DRC1: variants seen among roughly 807,000 people sequenced by gnomAD.
The protein encoded by DRC1 is dynein regulatory complex protein 1.
DRC1 carries 74 observed loss-of-function variants against 98.7 expected under a neutral mutation model. The observed-to-expected ratio is 0.75, with a 90% CI of 0.62 to 0.91. The LOEUF is 0.91. DRC1 is among the 40% of genes least tolerant of loss of function. The probability of loss-of-function intolerance (pLI) is 0.00; values close to 1 mark genes in which losing one functional copy is unlikely to be tolerated. For missense variants in DRC1, 875 were observed against 886.0 expected (o/e 0.99, Z 0.16); for synonymous variants, 336 against 334.1 (o/e 1.01, Z -0.06).
chr2:26,432,823 C>T (rs1398914346), intron 7 of DRC1, among the ~76,000 whole-genome samples: 2 of 152,198 alleles, frequency 1.3e-5, no homozygotes, highest in Non-Finnish European at 2.9e-5. Context: ...TCACCAACAG[C>T]ATTTTATACA....
intron 3 of DRC1, among the ~76,000 whole-genome samples, chr2:26,423,219 G>A (rs1166350117): frequency 2.6e-5 from 4 of 152,184 alleles, no homozygotes; most frequent in African/African-American, 7.2e-5. Context: ...GAAGGTCCCA[G>A]GTGGCAGGTT....
chr2:26,439,818 T>A (rs1213314781), intron 7 of DRC1, among the ~76,000 whole-genome samples: 1 of 150,836 alleles, frequency 6.6e-6, no homozygotes, highest in Non-Finnish European at 1.5e-5. Context: ...ACTCTCATGA[T>A]ACATTTTCTA....
At chr2:26,449,680 G>A (rs1250406548) in intron 11 of DRC1, among the ~76,000 whole-genome samples, 2 of 152,264 alleles carry the variant, frequency 1.3e-5, no homozygotes, top group African/African-American at 4.8e-5. Flanking sequence ...GCTTTGGACT[G>A]TGGTGGGGGC....
In DRC1 at chr2:26,417,253, T is replaced by C. The variant is rs145983329; in HGVS notation, c.243+2822T>C. On this transcript the variant is annotated intron_variant, in intron 2 of 16. Transcript: ENST00000288710. ...CTCAGTTTTAATTACTGTAGCTTTA[T>C]GACAGTTCTTGATGTCTGGTAAGGT... 1.2e-4 allele frequency among the ~76,000 whole-genome samples: 19 copies of C among 152,320 alleles called. No homozygotes were observed. In the East Asian group the frequency reaches 2.9e-3, roughly 23 times the overall value.
chr2:26,446,959 G>A (rs920053700), intron 10 of DRC1, among the ~76,000 whole-genome samples: 8 of 152,016 alleles, frequency 5.3e-5, no homozygotes, highest in African/African-American at 1.4e-4. Flanking sequence ...CGGTCATGGC[G>A]TGCGCCTGTA....
rs1678717967 is a variant in DRC1, at chr2:26,414,194, C to A, written c.156-150C>A. On this transcript the variant is annotated intron_variant, in intron 1 of 16. Transcript: ENST00000288710. ...GTCTTGCTATTTTGGCCATGCTGAT[C>A]TTGAACTCCTGGCCTTAAGCAATCC... 6.3e-6 allele frequency: 3 copies of A among 479,632 alleles called. No individual in the cohort carries two copies. In the South Asian group the frequency reaches 1.7e-4, roughly 27 times the overall value. The allele number at this position is 479,632 out of a possible 1,614,324, so 29.7% of individuals were successfully genotyped here. A position where few individuals can be genotyped will look rare whatever the true frequency, so the allele number is the denominator to read the frequency against.
chr2:26,440,295 G>A, intron 7 of DRC1, 83 bp from the exon 8 acceptor site: 1 of 1,387,262 alleles, frequency 7.2e-7, no homozygotes, highest in Admixed American at 3.0e-5. Context: ...TAATACTAAG[G>A]ATGCAGGTGT....
chr2:26,449,958 C>T (rs1663957331), intron 11 of DRC1, 38 bp from the exon 12 acceptor site: 2 of 1,599,104 alleles, frequency 1.3e-6, no homozygotes, highest in Non-Finnish European at 1.7e-6. Context: ...CTCCTGAAAC[C>T]TGTCCCCGAC....
intron 2 of DRC1, among the ~76,000 whole-genome samples, chr2:26,415,506 C>T (rs1678768658): frequency 6.6e-6 from 1 of 152,144 alleles, no homozygotes; most frequent in African/African-American, 2.4e-5. Context: ...ATATCTCACA[C>T]TGTGTTAGGG....
intron 5 of DRC1, among the ~76,000 whole-genome samples, chr2:26,430,253 T>G (rs1663397321): frequency 6.6e-6 from 1 of 152,164 alleles, no homozygotes; most frequent in South Asian, 2.1e-4. Context: ...GGAATCAGTA[T>G]TTTGAATTTG....
rs776252565 is a variant in DRC1, at chr2:26,424,289, T to G, written c.375T>G (p.Asn125Lys). ...IKRQRIEKLE[N>K]EVKTSQDKFD... is the part of the protein sequence containing the mutation. ...TTTGCAGGATTGAGAAGCTGGAGAA[T>G]GAAGTTAAGACCAGCCAGGACAAAT... Residue 125 changes from asparagine to lysine, a missense_variant, in exon 4 of 17, where the codon AAT becomes AAG. Asn to Lys is a moderately conservative substitution (Grantham distance 94). Coordinates refer to ENST00000288710, the MANE Select transcript of DRC1 (RefSeq NM_145038.5). The G allele has an allele frequency of 5.0e-6, 8 of 1,613,860 alleles. No individual in the cohort carries two copies. The highest frequency in any genetic ancestry group is 1.7e-4 in the Middle Eastern group (1 of 6,046).
chr2:26,419,527 G>T (rs981096742), intron 2 of DRC1, among the ~76,000 whole-genome samples: 2 of 152,068 alleles, frequency 1.3e-5, no homozygotes, highest in African/African-American at 4.8e-5. Flanking sequence ...AAAACTGCAG[G>T]CATTAACAAA....
At chr2:26,415,703 G>C (rs188747374) in intron 2 of DRC1, among the ~76,000 whole-genome samples, 1 of 152,124 alleles carries the variant, frequency 6.6e-6, no homozygotes, top group Non-Finnish European at 1.5e-5. Flanking sequence ...AGGCCGAGGC[G>C]AGCGGATCAC....
At chr2:26,428,431 T>C (rs931171414) in intron 4 of DRC1, among the ~76,000 whole-genome samples, 1 of 152,260 alleles carries the variant, frequency 6.6e-6, no homozygotes, top group Non-Finnish European at 1.5e-5. Flanking sequence ...GGAATGCTAC[T>C]GTACTGAATA....
intron 10 of DRC1, chr2:26,448,297 C>A: frequency 2.1e-6 from 1 of 473,202 alleles, no homozygotes; most frequent in Non-Finnish European, 4.4e-6. Flanking sequence ...CTGCTTCTGT[C>A]TAATCTGTTG....
intron 1 of DRC1, among the ~76,000 whole-genome samples, chr2:26,405,896 G>A (rs1271899552): frequency 6.6e-6 from 1 of 152,076 alleles, no homozygotes; most frequent in East Asian, 1.9e-4. Flanking sequence ...CTGGCCTCAG[G>A]CAATCCACCT....
At chr2:26,426,776 G>A (rs1663296213) in intron 4 of DRC1, among the ~76,000 whole-genome samples, 1 of 152,128 alleles carries the variant, frequency 6.6e-6, no homozygotes, top group African/African-American at 2.4e-5. Context: ...CAAATTTTAG[G>A]ATGGTTTTCC....
chr2:26,411,363 CTGA>C, intron 1 of DRC1, among the ~76,000 whole-genome samples: 1 of 152,152 alleles, frequency 6.6e-6, no homozygotes, highest in East Asian at 1.9e-4. Context: ...GTAAATCATA[CTGA>C]TGAGATATAT....
At position 26,407,112 on chromosome 2, in the gene DRC1, A is replaced by G. The variant is rs538689525; in HGVS notation, c.155+4968A>G. ...TGGGATTATAGGTGTGAGCCACCAC[A>G]CCCAGCCGGGAGATGTCACTTCTGG... On this transcript the variant is annotated intron_variant, in intron 1 of 16. Transcript: ENST00000288710. 1.8e-4 allele frequency among the ~76,000 whole-genome samples: 27 copies of G among 152,026 alleles called. 1 individual carries two copies. The South Asian group carries it at 5.2e-3, about 29-fold the overall frequency.
Sources: allele counts gnomAD v4.1 joint callset (sites outside exome capture counted in the v4.1 genomes callset), GRCh38; gene constraint gnomAD v4.1.1; transcripts MANE v1.5; gene names NCBI Gene and HGNC (gene_info 2026-07-23, HGNC 2026-07-21).